PDZRN3: variants seen among roughly 807,000 people sequenced by gnomAD.
PDZRN3 encodes the protein PDZ domain containing ring finger 3.
In PDZRN3, 38 loss-of-function variants were observed where a neutral mutation model predicts 85.7. The ratio of observed to expected loss-of-function variants is 0.44; its 90% CI spans 0.34 to 0.58. The LOEUF (loss-of-function observed/expected upper bound fraction) is 0.58, where lower values mean the gene tolerates loss of function less well. Among genes scored for constraint, PDZRN3 ranks in the 20% least tolerant of loss-of-function variants. The probability of loss-of-function intolerance (pLI) is 0.01; values close to 1 mark genes in which losing one functional copy is unlikely to be tolerated. For synonymous variants in PDZRN3, 759 were observed against 638.0 expected (o/e 1.19, Z -2.86); for missense variants, 1,629 against 1,506.4 (o/e 1.08, Z -1.35).
At chr3:73,608,735 G>A (rs951479908) in intron 1 of PDZRN3, 51 bp from the exon 2 acceptor site, 3 of 1,120,186 alleles carry the variant, frequency 2.7e-6, no homozygotes, top group Non-Finnish European at 4.0e-6. Flanking sequence ...GGGAATAGAT[G>A]GTAGGAATTT....
At chr3:73,553,001 T>A (rs1038288208) in intron 3 of PDZRN3, among the ~76,000 whole-genome samples, 1 of 152,160 alleles carries the variant, frequency 6.6e-6, no homozygotes, top group Non-Finnish European at 1.5e-5. Flanking sequence ...GAGTATCAGG[T>A]GACTCTAGTC....
At chr3:73,595,288 C>A (rs1042855189) in intron 3 of PDZRN3, among the ~76,000 whole-genome samples, 1 of 152,104 alleles carries the variant, frequency 6.6e-6, no homozygotes, top group Admixed American at 6.5e-5. Context: ...TTTGGGTAAC[C>A]AAGAAAACAG....
intron 3 of PDZRN3, among the ~76,000 whole-genome samples, chr3:73,482,176 C>T (rs1703576248): frequency 6.6e-6 from 1 of 152,156 alleles, no homozygotes; most frequent in South Asian, 2.1e-4. Context: ...GCTAGCTGCT[C>T]CCTTATCAAG....
At position 73,545,172 on chromosome 3, in the gene PDZRN3, G is replaced by C. The variant is rs532075848; in HGVS notation, c.918+57182C>G. ...CCTGGCGTCTCCTGACAGGGCCTGG[G>C]GAGGGATGAGTGGAAGCCCCCACCA... On this transcript the variant is annotated intron_variant, in intron 3 of 9. Coordinates refer to ENST00000263666, the MANE Select transcript of PDZRN3 (RefSeq NM_015009.3). 2.2e-4 allele frequency among the ~76,000 whole-genome samples: 34 copies of C among 152,298 alleles called. 1 individual carries two copies. In the South Asian group the frequency reaches 7.0e-3, roughly 32 times the overall value.
intron 3 of PDZRN3, among the ~76,000 whole-genome samples, chr3:73,498,936 G>A (rs114368448): frequency 0.021 from 3,193 of 152,156 alleles, 85 homozygotes; most frequent in African/African-American, 0.07. Flanking sequence ...CTGGCTGTGC[G>A]GGTCGCTGGT....
Position 73,382,576 on chromosome 3 carries a change from T to C in PDZRN3, c.*789A>G, listed in dbSNP as rs1289663991. 6.5e-6 allele frequency: 1 copy of C among 152,678 alleles called. No individual in the cohort carries two copies. The highest frequency in any genetic ancestry group is 2.4e-5 in the African/African-American group (1 of 41,458). 9.5% of individuals were successfully genotyped at this position (152,678 alleles called of 1,614,324 possible). A position where few individuals can be genotyped will look rare whatever the true frequency, so the allele number is the denominator to read the frequency against. ...GATTTTGTGAACTTGCCTGTATAAG[T>C]CTGTACCTTCAAATCTACAAAGCAA... On this transcript the variant is annotated 3_prime_UTR_variant, in exon 10 of 10. Coordinates refer to ENST00000263666, the MANE Select transcript of PDZRN3 (RefSeq NM_015009.3).
At chr3:73,488,621 T>C (rs1703710280) in intron 3 of PDZRN3, among the ~76,000 whole-genome samples, 2 of 152,194 alleles carry the variant, frequency 1.3e-5, no homozygotes, top group Admixed American at 6.5e-5. Context: ...ACCTCTTTGT[T>C]TATGTCTTAC....
chr3:73,553,185 A>C (rs1701603802), intron 3 of PDZRN3, among the ~76,000 whole-genome samples: 1 of 152,210 alleles, frequency 6.6e-6, no homozygotes, highest in Non-Finnish European at 1.5e-5. Context: ...CAATATGGGA[A>C]GGTCATGCAC....
chr3:73,598,663 G>A (rs1400055164), intron 3 of PDZRN3, among the ~76,000 whole-genome samples: 2 of 152,188 alleles, frequency 1.3e-5, no homozygotes, highest in Non-Finnish European at 1.5e-5. Flanking sequence ...TTCATCTAAG[G>A]GGGCCCCAGA....
chr3:73,511,400 G>T (rs1458389645), intron 3 of PDZRN3, among the ~76,000 whole-genome samples: 2 of 151,728 alleles, frequency 1.3e-5, no homozygotes, highest in East Asian at 3.9e-4. Flanking sequence ...CTGGGTGTCG[G>T]CTGGGCCCCC....
At chr3:73,481,636 C>A (rs1174134996) in intron 3 of PDZRN3, among the ~76,000 whole-genome samples, 1 of 152,170 alleles carries the variant, frequency 6.6e-6, no homozygotes, top group Non-Finnish European at 1.5e-5. Flanking sequence ...GGCCTGAGGG[C>A]AGGATTCTAT....
intron 8 of PDZRN3, 75 bp downstream of exon 8, chr3:73,387,893 T>G: frequency 1.5e-6 from 1 of 685,534 alleles, no homozygotes. Flanking sequence ...AATACTCAGG[T>G]GCTCTTTTGC....
At chr3:73,425,992 C>A (rs1047616470) in intron 3 of PDZRN3, among the ~76,000 whole-genome samples, 1 of 152,036 alleles carries the variant, frequency 6.6e-6, no homozygotes, top group Non-Finnish European at 1.5e-5. Context: ...CATTCTCTTC[C>A]GGCAGGAGAA....
chr3:73,619,344 C>A (rs1702815369), intron 1 of PDZRN3, among the ~76,000 whole-genome samples: 1 of 152,178 alleles, frequency 6.6e-6, no homozygotes, highest in South Asian at 2.1e-4. Context: ...CAGACTCTTC[C>A]ACTTATTTAG....
Position 73,443,484 on chromosome 3 carries a change from T to TC in PDZRN3, c.919-39090_919-39089insG, listed in dbSNP as rs1559682529. 3.8e-4 allele frequency among the ~76,000 whole-genome samples: 8 copies of TC among 21,044 alleles called. No individual in the cohort carries two copies. The Admixed American group carries it at 3.9e-3, about 10-fold the overall frequency. The allele number at this position is 21,044 out of a possible 152,430, so 13.8% of individuals were successfully genotyped here. On this transcript the variant is annotated intron_variant, in intron 3 of 9. Transcript: ENST00000263666. ...CTTGATTTATTTTCCTTTTTCTTTT[T>TC]TTTTTTTTTTTTTTGGGGGGGGGAC...
intron 3 of PDZRN3, among the ~76,000 whole-genome samples, chr3:73,541,209 T>G (rs1458496350): frequency 6.6e-6 from 1 of 152,208 alleles, no homozygotes; most frequent in African/African-American, 2.4e-5. Context: ...CTTTAAAAGC[T>G]TACTGAAAGA....
At chr3:73,590,760 T>C (rs1702346848) in intron 3 of PDZRN3, among the ~76,000 whole-genome samples, 1 of 152,212 alleles carries the variant, frequency 6.6e-6, no homozygotes, top group Non-Finnish European at 1.5e-5. Context: ...TATGTTAATA[T>C]TATCTCACTC....
chr3:73,423,745 G>A (rs761280146), intron 3 of PDZRN3, among the ~76,000 whole-genome samples: 3 of 152,094 alleles, frequency 2.0e-5, no homozygotes, highest in Non-Finnish European at 4.4e-5. Context: ...AGCCCACTCC[G>A]TCTTCCCCTT....
intron 3 of PDZRN3, among the ~76,000 whole-genome samples, chr3:73,470,107 G>A (rs1480544351): frequency 6.6e-6 from 1 of 152,076 alleles, no homozygotes; most frequent in Non-Finnish European, 1.5e-5. Flanking sequence ...ATTGGGGTAT[G>A]ATATCAGCTC....
Sources: allele counts gnomAD v4.1 joint callset (sites outside exome capture counted in the v4.1 genomes callset), GRCh38; gene constraint gnomAD v4.1.1; transcripts MANE v1.5; gene names NCBI Gene and HGNC (gene_info 2026-07-23, HGNC 2026-07-21).